The following ADAMTS15 variants were observed in gnomAD, a reference collection of about 807,000 sequenced individuals.
The protein encoded by ADAMTS15 is ADAM metallopeptidase with thrombospondin type 1 motif 15, also known as A disintegrin and metalloproteinase with thrombospondin motifs 15.
A neutral mutation model predicts 79.1 loss-of-function variants in ADAMTS15; 35 were observed. That is an observed-to-expected ratio of 0.44 (90% CI 0.34 to 0.59). The LOEUF is 0.59. Ranked by LOEUF, ADAMTS15 falls within the 20% of genes least tolerant of loss-of-function variation. ADAMTS15 has a pLI of 0.02. For missense variants in ADAMTS15, 1,324 were observed against 1,318.7 expected, an observed-to-expected ratio of 1.00 and a Z score of -0.06; for synonymous variants, 616 against 567.3, an observed-to-expected ratio of 1.09 and a Z score of -1.22.
In ADAMTS15 at chr11:130,470,184, GTGTATATATATATA is replaced by G. The variant is rs1938415633; in HGVS notation, c.1721-734_1721-721del. 1.2e-4 allele frequency among the ~76,000 whole-genome samples: 6 copies of G among 50,184 alleles called. 1 individual carries two copies. The highest frequency in any genetic ancestry group is 1.9e-4 in the Non-Finnish European group (5 of 26,628). 32.9% of individuals were successfully genotyped at this position (50,184 alleles called of 152,430 possible). A position where few individuals can be genotyped will look rare whatever the true frequency, so the allele number is the denominator to read the frequency against. The stretch of plus-strand genomic sequence containing the variant: ...TATATATATATATATATATATATGT[GTGTATATATATATA>G]TATATATATATGTATATATATATAT... On this transcript the variant is annotated intron_variant, in intron 5 of 7. Coordinates refer to ENST00000299164, the MANE Select transcript of ADAMTS15 (RefSeq NM_139055.4).
chr11:130,453,657 C>A (rs1424699235), intron 1 of ADAMTS15, among the ~76,000 whole-genome samples: 2 of 152,082 alleles, frequency 1.3e-5, no homozygotes, highest in African/African-American at 4.8e-5. Flanking sequence ...GAACTCCTGG[C>A]CTCAAGAGAT....
rs1452773072 is a variant in ADAMTS15 at position 130,473,785 on chromosome 11, C to T, written c.2817C>T (p.Pro939=). The part of the protein sequence containing the change: ...ARDQCNLHRK[P]QELDFCVLRP... ...ACCAGTGCAACTTGCACCGCAAGCC[C>T]CAGGAGCTGGACTTCTGCGTCCTGA... The change falls in exon 8 of 8, where the codon CCC becomes CCT. Residue 939 remains proline, a synonymous_variant. Coordinates refer to ENST00000299164, the MANE Select transcript of ADAMTS15 (RefSeq NM_139055.4). 2 of 1,598,684 alleles carry T rather than the reference C, an allele frequency of 1.3e-6. No individual in the cohort carries two copies. The highest frequency in any genetic ancestry group is 2.2e-5 in the East Asian group (1 of 44,850).
intron 1 of ADAMTS15, among the ~76,000 whole-genome samples, chr11:130,459,025 G>GTTTTT (rs757221690): frequency 4.0e-5 from 3 of 75,406 alleles, no homozygotes; most frequent in African/African-American, 1.3e-4. Flanking sequence ...CCTCCCAAGT[G>GTTTTT]TTTTTTTTTT....
intron 1 of ADAMTS15, among the ~76,000 whole-genome samples, chr11:130,459,939 G>T (rs143362711): frequency 6.6e-6 from 1 of 152,176 alleles, no homozygotes; most frequent in Non-Finnish European, 1.5e-5. Flanking sequence ...TTGCATATAC[G>T]TGCACATGCA....
intron 1 of ADAMTS15, among the ~76,000 whole-genome samples, chr11:130,460,458 G>C (rs770739360): frequency 6.6e-6 from 1 of 152,062 alleles, no homozygotes; most frequent in Non-Finnish European, 1.5e-5. Flanking sequence ...TGTATTTGTA[G>C]TAGAGATGGG....
rs994941436 is a variant in ADAMTS15, at chr11:130,448,920, C to T, written c.-54C>T. ...GCTGCACGGAGACCGCGGCAGCGGCCGGAGAGCCCGGCCCAGCCCCTTCCC... is the reference window on the plus strand; with the variant it reads ...GCTGCACGGAGACCGCGGCAGCGGCTGGAGAGCCCGGCCCAGCCCCTTCCC... On this transcript the variant is annotated 5_prime_UTR_variant, in exon 1 of 8. Transcript: ENST00000299164. 3 of 1,358,230 alleles carry T rather than the reference C, an allele frequency of 2.2e-6. No homozygotes were observed. The highest frequency in any genetic ancestry group is 1.9e-6 in the Non-Finnish European group (2 of 1,036,438). The allele number at this position is 1,358,230 out of a possible 1,614,324, so 84.1% of individuals were successfully genotyped here. A position where few individuals can be genotyped will look rare whatever the true frequency, so the allele number is the denominator to read the frequency against.
rs1592151691 is a variant in ADAMTS15, at chr11:130,472,355, C to T, written c.2079-692C>T. ...CACCAGGGACGGATGGCATTCCAGGCTGTGCTTTGCAGGGACCTGTGGTGG... is the reference window on the plus strand; with the variant it reads ...CACCAGGGACGGATGGCATTCCAGGTTGTGCTTTGCAGGGACCTGTGGTGG... On this transcript the variant is annotated intron_variant, in intron 7 of 7. Coordinates refer to ENST00000299164, the MANE Select transcript of ADAMTS15 (RefSeq NM_139055.4). This position sits in a 1 kb window ranked among gnomAD's most constrained non-coding sequence, Gnocchi z 4.7. Among the ~76,000 whole-genome samples, 1 of 152,224 alleles carries T rather than the reference C, an allele frequency of 6.6e-6. No homozygotes were observed. The highest frequency in any genetic ancestry group is 1.5e-5 in the Non-Finnish European group (1 of 68,038).
chr11:130,460,566 C>T (rs1485427532), intron 1 of ADAMTS15, among the ~76,000 whole-genome samples: 9 of 152,246 alleles, frequency 5.9e-5, no homozygotes, highest in South Asian at 2.1e-4. Flanking sequence ...TGTGGGCCAC[C>T]GTGCCTGGCC....
At position 130,449,040 on chromosome 11, in the gene ADAMTS15, C is replaced by G; in HGVS notation, c.67C>G (p.Arg23Gly). 3 of 1,535,818 alleles carry G rather than the reference C, an allele frequency of 2.0e-6. No homozygotes were observed. Among genetic ancestry groups the G allele is most frequent in the Non-Finnish European group, 2.6e-6 (3 of 1,139,094 alleles). The change falls in exon 1 of 8, where the codon CGG (arginine) becomes GGG (glycine). Residue 23 changes from arginine (R) to glycine (G), a missense_variant. Physicochemically the swap from Arg to Gly is moderately radical, Grantham distance 125 (BLOSUM62 -2). Coordinates refer to ENST00000299164, the MANE Select transcript of ADAMTS15 (RefSeq NM_139055.4). This position sits in a 1 kb window ranked among gnomAD's most constrained non-coding sequence, Gnocchi z 7.8. ...AACCGCTGGAGGCTCTGAGCCAGAG[C>G]GGGAGGTAGTCGTTCCCATCCGACT... The part of the protein sequence containing the change: ...GRTAGGSEPE[R>G]EVVVPIRLDP...
intron 1 of ADAMTS15, chr11:130,450,319 A>G: frequency 9.1e-6 from 9 of 985,408 alleles, no homozygotes; most frequent in Non-Finnish European, 1.1e-5. Context: ...CCCCTATTGT[A>G]TGGGCGGCTG....
chr11:130,473,071 C>T lies in ADAMTS15; in HGVS notation c.2103C>T (p.Ala701=). The T allele has an allele frequency of 1.2e-6, 2 of 1,613,656 alleles. No individual in the cohort carries two copies. Among genetic ancestry groups the T allele is most frequent in the Non-Finnish European group, 1.7e-6 (2 of 1,179,866 alleles). Residue 701 remains alanine (A), a synonymous_variant, in exon 8 of 8, where the codon GCC becomes GCT. Coordinates refer to ENST00000299164, the MANE Select transcript of ADAMTS15 (RefSeq NM_139055.4). ...GGCATGGCTACAATTTCGTGGTGGC[C>T]ATCCCCGCAGGCGCCTCAAGCATCG... ...KPMHGYNFVV[A]IPAGASSIDI...
chr11:130,461,887 C>T (rs1195642433), intron 2 of ADAMTS15, among the ~76,000 whole-genome samples, 200 bp from the exon 3 acceptor site: 1 of 152,164 alleles, frequency 6.6e-6, no homozygotes, highest in Non-Finnish European at 1.5e-5. Flanking sequence ...ACTCTGTTGT[C>T]AGGGAGCCCA....
chr11:130,451,556 G>A (rs983798944), intron 1 of ADAMTS15, among the ~76,000 whole-genome samples: 2 of 152,134 alleles, frequency 1.3e-5, no homozygotes, highest in African/African-American at 4.8e-5. Context: ...AGACCAGCTT[G>A]GCAGTTAGAT....
intron 1 of ADAMTS15, among the ~76,000 whole-genome samples, chr11:130,451,853 AC>A (rs773614685): frequency 9.2e-5 from 14 of 151,838 alleles, no homozygotes. Context: ...TGTGTGCTCA[AC>A]CCCCCGGGGG....
At chr11:130,471,550 C>T (rs1353474801) in intron 7 of ADAMTS15, among the ~76,000 whole-genome samples, 167 bp downstream of exon 7, 1 of 152,118 alleles carries the variant, frequency 6.6e-6, no homozygotes, top group East Asian at 1.9e-4. Context: ...TTCACTCACT[C>T]ATTCATTCAC....
rs34961681 is a variant in ADAMTS15, at chr11:130,468,764, C to CAAA, written c.1543-480_1543-478dup. Among the ~76,000 whole-genome samples the CAAA allele has an allele frequency of 5.9e-4, 46 of 78,072 alleles. No individual in the cohort carries two copies. In the East Asian group the frequency reaches 6.9e-3, roughly 12 times the overall value. The allele number at this position is 78,072 out of a possible 152,430, so 51.2% of individuals were successfully genotyped here. On this transcript the variant is annotated intron_variant, in intron 4 of 7. Coordinates refer to ENST00000299164, the MANE Select transcript of ADAMTS15 (RefSeq NM_139055.4). Reference sequence around the variant, plus strand: ...TGGGCGAAAGAGTGAGACTCCATCTCAAAAAAAAAAAAAAAAAAAATAATT... The same window carrying CAAA: ...TGGGCGAAAGAGTGAGACTCCATCTCAAAAAAAAAAAAAAAAAAAAAAATAATT...
rs543243268 is a variant in ADAMTS15 at position 130,462,375 on chromosome 11, G to A, written c.1258+121G>A. The A allele has an allele frequency of 3.4e-5, 50 of 1,484,704 alleles. No individual in the cohort carries two copies. Among genetic ancestry groups the A allele is most frequent in the Non-Finnish European group, 3.9e-5 (43 of 1,108,158 alleles). 92.0% of individuals were successfully genotyped at this position (1,484,704 alleles called of 1,614,324 possible). On this transcript the variant is annotated intron_variant, in intron 3 of 7. Coordinates refer to ENST00000299164, the MANE Select transcript of ADAMTS15 (RefSeq NM_139055.4). This position sits in a 1 kb window ranked among gnomAD's most constrained non-coding sequence, Gnocchi z 4.3. ...TAGGTGTGTGTGCCCCCTCGGAGCC[G>A]GGCTCTGACATGAGTGCATTCCTGT...
chr11:130,464,073 A>G (rs562697994), intron 4 of ADAMTS15, among the ~76,000 whole-genome samples: 7 of 152,248 alleles, frequency 4.6e-5, no homozygotes, highest in African/African-American at 1.4e-4. Context: ...GGCTGTGTAG[A>G]TGAGGGCTCT....
chr11:130,462,559 A>G lies in ADAMTS15; in HGVS notation c.1321A>G (p.Ser441Gly). ...ISLPEDLPGA[S>G]YTLSQQCELA... ...CCTGCCCGAGGATCTGCCGGGCGCCAGCTACACCCTGAGCCAGCAGTGCGA... is the reference window on the plus strand; with the variant it reads ...CCTGCCCGAGGATCTGCCGGGCGCCGGCTACACCCTGAGCCAGCAGTGCGA... The change falls in exon 4 of 8, where the codon AGC becomes GGC. Residue 441 changes from serine (S) to glycine (G), a missense_variant. Physicochemically the swap from Ser to Gly is moderately conservative, Grantham distance 56 (BLOSUM62 0). Transcript: ENST00000299164. The surrounding 1 kb of genome is among the most constrained non-coding windows in gnomAD (Gnocchi z 4.3). 1 of 1,611,996 alleles carries G rather than the reference A, an allele frequency of 6.2e-7. No individual in the cohort carries two copies. The highest frequency in any genetic ancestry group is 8.5e-7 in the Non-Finnish European group (1 of 1,178,658).
Sources: gnomAD v4.1 joint callset for allele counts (sites outside exome capture counted in the v4.1 genomes callset) on GRCh38, gnomAD v4.1.1 for gene constraint, Gnocchi (gnomAD v3.1) non-coding constraint, MANE v1.5 for transcripts, NCBI Gene and HGNC (gene_info 2026-07-23, HGNC 2026-07-21) for gene names.